MCM5: variants seen among roughly 807,000 people sequenced by gnomAD.
The protein encoded by MCM5 is DNA replication licensing factor MCM5.
A neutral mutation model predicts 79.9 loss-of-function variants in MCM5; 46 were observed. That is an observed-to-expected ratio of 0.58 (90% CI 0.45 to 0.74). MCM5 has a LOEUF of 0.74. Ranked by LOEUF, MCM5 falls within the 30% of genes least tolerant of loss-of-function variation. The probability of loss-of-function intolerance (pLI) is 0.00; values close to 1 mark genes in which losing one functional copy is unlikely to be tolerated. For missense variants in MCM5, 883 were observed against 1,017.0 expected (o/e 0.87, Z 1.79); for synonymous variants, 404 against 390.5 (o/e 1.03, Z -0.41).
At chr22:35,428,970 CTTTTTTTTTTTTTT>C (rs35549972), downstream of MCM5, among the ~76,000 whole-genome samples, 13 of 65,528 alleles carry the variant, frequency 2.0e-4, no homozygotes, top group East Asian at 4.5e-4. Context: ...TTTCTTTGAC[CTTTTTTTTTTTTTT>C]TTTTTTTTTT....
At chr22:35,441,060 A>AC in the MCM5 span, among the ~76,000 whole-genome samples, 4 of 151,370 alleles carry the variant, frequency 2.6e-5, no homozygotes, top group Admixed American at 6.6e-5. Flanking sequence ...TCTGTCAAAA[A>AC]AAAAAAAAAA....
chr22:35,434,578 G>A, the MCM5 span, among the ~76,000 whole-genome samples: 7 of 152,302 alleles, frequency 4.6e-5, no homozygotes, highest in Non-Finnish European at 1.0e-4. Flanking sequence ...GTGACCAGGC[G>A]GGAAAGGGCC....
At chr22:35,430,481 C>T in the MCM5 span, among the ~76,000 whole-genome samples, 2 of 150,540 alleles carry the variant, frequency 1.3e-5, no homozygotes. Context: ...GGCCTGGAGC[C>T]CCAAAACCAG....
chr22:35,429,013 A>ATT (rs1932796109), downstream of MCM5, among the ~76,000 whole-genome samples: 48 of 98,760 alleles, frequency 4.9e-4, no homozygotes, highest in African/African-American at 1.3e-3. Context: ...TTGAGGCGGA[A>ATT]TTTTGCTCTG....
rs576453600 is a variant in MCM5 at position 35,421,355 on chromosome 22, A to G, written c.1870A>G (p.Ser624Gly). The G allele has an allele frequency of 1.2e-6, 2 of 1,614,004 alleles. No individual in the cohort carries two copies. Among genetic ancestry groups the G allele is most frequent in the South Asian group, 1.1e-5 (1 of 91,090 alleles). Residue 624 changes from serine (S) to glycine (G), a missense_variant, in exon 15 of 17, where the codon AGC becomes GGC. Around this residue, in one of 3 missense-constraint regions of MCM5, gnomAD observed 426 missense variants for 482.3 expected, o/e 0.88. Coordinates refer to ENST00000216122, the MANE Select transcript of MCM5 (RefSeq NM_006739.4). ...EAIVRIAEAL[S>G]KMKLQPFATE... ...CATTGTGCGCATCGCGGAAGCCCTC[A>G]GCAAGATGAAGCTGCAGCCCTTCGC...
chr22:35,433,562 C>G, the MCM5 span, among the ~76,000 whole-genome samples: 1 of 152,332 alleles, frequency 6.6e-6, no homozygotes, highest in African/African-American at 2.4e-5. Context: ...ATTGGGAATG[C>G]CTAATGGCAT....
chr22:35,422,503 C>G (rs1366663731), intron 15 of MCM5: 1 of 152,280 alleles, frequency 6.6e-6, no homozygotes, highest in East Asian at 1.9e-4. Flanking sequence ...TTCCTCCTGT[C>G]CCCCTTGGTG....
the MCM5 span, among the ~76,000 whole-genome samples, chr22:35,438,602 C>T: frequency 0.045 from 2,545 of 56,380 alleles, 170 homozygotes; most frequent in African/African-American, 0.13. Context: ...CATGCATCCA[C>T]CCACCCACAT....
the MCM5 span, among the ~76,000 whole-genome samples, chr22:35,432,571 G>A: frequency 6.6e-6 from 1 of 152,240 alleles, no homozygotes; most frequent in Non-Finnish European, 1.5e-5. Flanking sequence ...GGGGAGGAAA[G>A]CAAGGGCCCA....
At position 35,416,369 on chromosome 22, in the gene MCM5, G is replaced by A. The variant is rs1372236859; in HGVS notation, c.1378G>A (p.Glu460Lys). ...MREDDRVAIH[E>K]AMEQQTISIA... The stretch of plus-strand genomic sequence containing the variant: ...AGAAGATGACCGTGTGGCAATCCAC[G>A]AAGCCATGGAGCAGCAGACCATCTC... Residue 460 changes from glutamate (E) to lysine (K), a missense_variant, in exon 11 of 17, where the codon GAA becomes AAA. Physicochemically the swap from Glu to Lys is moderately conservative, Grantham distance 56 (BLOSUM62 1). Coordinates refer to ENST00000216122, the MANE Select transcript of MCM5 (RefSeq NM_006739.4). 6.2e-7 allele frequency: 1 copy of A among 1,613,372 alleles called. No individual in the cohort carries two copies.
At chr22:35,417,681 C>G in intron 12 of MCM5, 63 bp from the exon 13 acceptor site, 1 of 1,165,770 alleles carries the variant, frequency 8.6e-7, no homozygotes, top group Admixed American at 1.7e-5. Flanking sequence ...TGTTCCACCT[C>G]AGTGCTGGGA....
chr22:35,419,981 G>C lies in MCM5; in HGVS notation c.1801G>C (p.Asp601His). ...SGARQHERDS[D>H]RRSSIPITVR... ...GGCCCGTCAGCACGAGAGGGACAGTGACCGCCGCTCCAGCATCCCCATCAC... is the reference window on the plus strand; with the variant it reads ...GGCCCGTCAGCACGAGAGGGACAGTCACCGCCGCTCCAGCATCCCCATCAC... Residue 601 changes from aspartate (D) to histidine (H), a missense_variant, in exon 14 of 17, where the codon GAC becomes CAC. Asp to His is a moderately conservative substitution (Grantham distance 81). Coordinates refer to ENST00000216122, the MANE Select transcript of MCM5 (RefSeq NM_006739.4). 2 of 1,612,206 alleles carry C rather than the reference G, an allele frequency of 1.2e-6. No homozygotes were observed. The highest frequency in any genetic ancestry group is 1.7e-6 in the Non-Finnish European group (2 of 1,179,124).
intron 11 of MCM5, 94 bp from the exon 12 acceptor site, chr22:35,416,544 T>TAAAC: frequency 5.2e-5 from 42 of 803,464 alleles, no homozygotes; most frequent in Non-Finnish European, 7.4e-5. Context: ...TGTGTGTGTG[T>TAAAC]GTGTGTGTGT....
At chr22:35,412,860 A>G (rs1185722519) in intron 8 of MCM5, among the ~76,000 whole-genome samples, 179 bp downstream of exon 8, 1 of 151,986 alleles carries the variant, frequency 6.6e-6, no homozygotes, top group Non-Finnish European at 1.5e-5. Context: ...TGATCTGCGC[A>G]CCTGTCTCAG....
chr22:35,454,454 GCT>G, the MCM5 span, among the ~76,000 whole-genome samples: 1 of 151,368 alleles, frequency 6.6e-6, no homozygotes, highest in Non-Finnish European at 1.5e-5. Flanking sequence ...CTTTCCAGGG[GCT>G]CTGATGGGAT....
chr22:35,422,496 C>T (rs1313038674), intron 15 of MCM5: 2 of 152,328 alleles, frequency 1.3e-5, no homozygotes, highest in Non-Finnish European at 2.9e-5. Context: ...GGGCCTGTTC[C>T]TCCTGTCCCC....
the MCM5 span, among the ~76,000 whole-genome samples, chr22:35,438,343 C>A: frequency 6.8e-6 from 1 of 148,126 alleles, no homozygotes; most frequent in East Asian, 2.0e-4. Flanking sequence ...ATCCATCCAT[C>A]CATCCACTCA....
the MCM5 span, among the ~76,000 whole-genome samples, chr22:35,454,636 AT>A: frequency 6.6e-6 from 1 of 152,144 alleles, no homozygotes; most frequent in Non-Finnish European, 1.5e-5. Context: ...CCACTGTGTG[AT>A]TTTGGACACC....
the MCM5 span, among the ~76,000 whole-genome samples, chr22:35,453,417 C>CAG: frequency 0.2 from 30,182 of 151,284 alleles, 3,360 homozygotes; most frequent in African/African-American, 0.31. Flanking sequence ...CAGAGTGATT[C>CAG]AGAGAGACAC....
Sources: gnomAD v4.1 joint callset for allele counts (sites outside exome capture counted in the v4.1 genomes callset) on GRCh38, gnomAD v4.1.1 for gene constraint, gnomAD v4.1.1 regional missense constraint, MANE v1.5 for transcripts, NCBI Gene and HGNC (gene_info 2026-07-23, HGNC 2026-07-21) for gene names.